Variants in FAAH2 observed in about 807,000 individuals in gnomAD.
FAAH2 encodes fatty acid amide hydrolase 2.
In FAAH2, 60 loss-of-function variants were observed where a neutral mutation model predicts 36.9. That is an observed-to-expected ratio of 1.63 (90% CI 1.32 to 2.02). The LOEUF (loss-of-function observed/expected upper bound fraction) is 2.02, where lower values mean the gene tolerates loss of function less well. FAAH2 is among the 30% of genes most tolerant of loss of function. The pLI, the probability that FAAH2 is intolerant of heterozygous loss-of-function variation, is 0.00. For synonymous variants in FAAH2, 214 were observed against 143.8 expected, an observed-to-expected ratio of 1.49 and a Z score of -3.49; for missense variants, 689 against 397.5, an observed-to-expected ratio of 1.73 and a Z score of -6.23.
At chrX:57,296,039 A>G (rs748369867) in intron 2 of FAAH2, among the ~76,000 whole-genome samples, 148 of 112,507 alleles carry the variant, frequency 1.3e-3, no homozygotes, top group African/African-American at 4.5e-3. Flanking sequence ...GGACACAGAC[A>G]AACAAAAGAC....
At chrX:57,229,478 C>T in the FAAH2 span, 86 of 111,465 alleles carry the variant, frequency 7.7e-4, 1 homozygote, top group Admixed American at 8.0e-3. Flanking sequence ...ATCCACGTTG[C>T]TATTCAGGGA....
chrX:57,185,334 G>A, the FAAH2 span, among the ~76,000 whole-genome samples: 3 of 111,095 alleles, frequency 2.7e-5, no homozygotes, highest in East Asian at 8.5e-4. Flanking sequence ...GAGAACATAT[G>A]ATGTTTGTCT....
chrX:57,433,293 T>A (rs1268399800), intron 8 of FAAH2, among the ~76,000 whole-genome samples: 2 of 110,431 alleles, frequency 1.8e-5, no homozygotes, highest in African/African-American at 3.3e-5. Context: ...CTCCTCTTAC[T>A]TTTTTATGAT....
chrX:57,392,381 GT>G lies in FAAH2; in HGVS notation c.996+11358del, dbSNP rs1468191125. 5.4e-5 allele frequency among the ~76,000 whole-genome samples: 6 copies of G among 111,237 alleles called. No homozygotes were observed. The East Asian group carries it at 1.1e-3, about 21-fold the overall frequency. On this transcript the variant is annotated intron_variant, in intron 7 of 10. Transcript: ENST00000374900. ...CAGTTCTTGTTTTTTTTGTTTGTTT[GT>G]TTTTTGTTTTTGGCAAAACTATTTC...
chrX:57,296,018 C>T (rs968334271), intron 2 of FAAH2, among the ~76,000 whole-genome samples: 3 of 112,510 alleles, frequency 2.7e-5, no homozygotes, highest in Non-Finnish European at 5.6e-5. Context: ...TGGGCTCCAC[C>T]TCTGGGGGCA....
the FAAH2 span, among the ~76,000 whole-genome samples, chrX:57,193,309 C>T: frequency 2.7e-5 from 3 of 111,529 alleles, no homozygotes; most frequent in Non-Finnish European, 3.8e-5. Flanking sequence ...GAAATTCCTG[C>T]CTAATAAATT....
At chrX:57,438,936 A>AT (rs1226033809) in intron 8 of FAAH2, among the ~76,000 whole-genome samples, 2 of 110,151 alleles carry the variant, frequency 1.8e-5, no homozygotes, top group Non-Finnish European at 3.8e-5. Context: ...TGAACTCATC[A>AT]TTTTTTATGG....
Position 57,480,106 on chromosome X carries a change from T to G in FAAH2, c.1424-8651T>G, listed in dbSNP as rs2057352611. On this transcript the variant is annotated intron_variant, in intron 10 of 10. Transcript: ENST00000374900. ...ATAGACCAATAACAGGCTCTGAAAT[T>G]GTGGCAATAATCAATAGCTTACCAA... 6.3e-5 allele frequency among the ~76,000 whole-genome samples: 7 copies of G among 111,282 alleles called. No homozygotes were observed. The South Asian group carries it at 2.3e-3, about 36-fold the overall frequency.
At chrX:57,398,431 C>T (rs765580077) in intron 7 of FAAH2, among the ~76,000 whole-genome samples, 2 of 112,139 alleles carry the variant, frequency 1.8e-5, no homozygotes, top group Non-Finnish European at 3.8e-5. Context: ...TGAATTATTC[C>T]GTCAAATATG....
the FAAH2 span, among the ~76,000 whole-genome samples, chrX:57,181,059 G>T: frequency 2.7e-5 from 3 of 111,321 alleles, no homozygotes; most frequent in South Asian, 1.1e-3. Flanking sequence ...TACAGAAAAG[G>T]TTTTTGATAA....
intron 10 of FAAH2, among the ~76,000 whole-genome samples, chrX:57,474,596 C>A (rs2057230992): frequency 8.9e-6 from 1 of 111,777 alleles, no homozygotes; most frequent in Non-Finnish European, 1.9e-5. Flanking sequence ...GTTTTCTTTA[C>A]CTAGTCTATC....
At chrX:57,241,269 A>G in the FAAH2 span, among the ~76,000 whole-genome samples, 1 of 112,440 alleles carries the variant, frequency 8.9e-6, no homozygotes, top group Non-Finnish European at 1.9e-5. Context: ...CCTATACAAT[A>G]CTGTTCTCCA....
chrX:57,214,313 G>A, the FAAH2 span, among the ~76,000 whole-genome samples: 3 of 112,302 alleles, frequency 2.7e-5, no homozygotes, highest in Non-Finnish European at 5.6e-5. Context: ...ATATTGATAT[G>A]TGTGGTTTTG....
intron 5 of FAAH2, among the ~76,000 whole-genome samples, chrX:57,354,578 C>T (rs1250257333): frequency 1.8e-5 from 2 of 110,301 alleles, no homozygotes; most frequent in Non-Finnish European, 3.8e-5. Flanking sequence ...TAAATTTGTA[C>T]AAAACTAAAA....
At chrX:57,251,578 G>A in the FAAH2 span, among the ~76,000 whole-genome samples, 462 of 111,872 alleles carry the variant, frequency 4.1e-3, 3 homozygotes, top group African/African-American at 0.014. Context: ...CAGGTGACAT[G>A]ATCTTATATA....
At chrX:57,265,090 A>G in the FAAH2 span, among the ~76,000 whole-genome samples, 1 of 111,391 alleles carries the variant, frequency 9.0e-6, no homozygotes, top group African/African-American at 3.3e-5. Flanking sequence ...CACTTCTTCT[A>G]TGGAGCTTTG....
At chrX:57,469,249 T>A (rs1354327642) in intron 10 of FAAH2, among the ~76,000 whole-genome samples, 1 of 111,773 alleles carries the variant, frequency 8.9e-6, no homozygotes, top group East Asian at 2.8e-4. Flanking sequence ...CACATACCAA[T>A]ATTAACCTTA....
At chrX:57,169,873 C>T in the FAAH2 span, among the ~76,000 whole-genome samples, 1 of 107,738 alleles carries the variant, frequency 9.3e-6, no homozygotes. Context: ...CTTCTAAACA[C>T]ACACACACAC....
chrX:57,282,143 A>C (rs908291243), upstream of FAAH2, among the ~76,000 whole-genome samples: 9 of 112,386 alleles, frequency 8.0e-5, no homozygotes, highest in African/African-American at 2.9e-4. Flanking sequence ...AGAAATAAAC[A>C]AAATGCCTTC....
Sources: gnomAD v4.1 joint callset for allele counts (sites outside exome capture counted in the v4.1 genomes callset) on GRCh38, gnomAD v4.1.1 for gene constraint, MANE v1.5 for transcripts, NCBI Gene and HGNC (gene_info 2026-07-23, HGNC 2026-07-21) for gene names.